CNBD1: variants seen among roughly 807,000 people sequenced by gnomAD.
CNBD1 encodes cyclic nucleotide binding domain containing 1.
Under a neutral mutation model 54.4 loss-of-function variants are expected in CNBD1, and 71 were observed. That is an observed-to-expected ratio of 1.30 (90% CI 1.08 to 1.59). The LOEUF (loss-of-function observed/expected upper bound fraction) is 1.59. Ranked by LOEUF, CNBD1 falls within the 40% of genes most tolerant of loss-of-function variation. The pLI is 0.00. For missense variants in CNBD1, 659 were observed against 518.0 expected (o/e 1.27, Z -2.64); for synonymous variants, 182 against 170.7 (o/e 1.07, Z -0.51).
At chr8:87,382,460 A>G (rs767281010) in intron 10 of CNBD1, among the ~76,000 whole-genome samples, 160 bp from the exon 11 acceptor site, 1 of 152,040 alleles carries the variant, frequency 6.6e-6, no homozygotes, top group Non-Finnish European at 1.5e-5. Context: ...AAAGTGTTAC[A>G]TTATTTCTAG....
At chr8:86,916,048 T>C (rs891301186) in intron 3 of CNBD1, among the ~76,000 whole-genome samples, 53 of 152,140 alleles carry the variant, frequency 3.5e-4, no homozygotes, top group African/African-American at 1.2e-3. Flanking sequence ...TGTGCCATCA[T>C]GGTCTCAGAG....
chr8:87,407,486 G>A (rs1453982989), intron 2 of CNBD1, among the ~76,000 whole-genome samples: 1 of 151,792 alleles, frequency 6.6e-6, no homozygotes, highest in East Asian at 1.9e-4. Context: ...TGCTTTTATT[G>A]CATATATTTC....
intron 2 of CNBD1, among the ~76,000 whole-genome samples, chr8:87,389,651 A>G (rs1811267451): frequency 6.6e-6 from 1 of 152,234 alleles, no homozygotes; most frequent in Admixed American, 6.5e-5. Flanking sequence ...AGGAAGAATC[A>G]ATATCATAAA....
chr8:87,178,374 C>A (rs1813243074), intron 4 of CNBD1, among the ~76,000 whole-genome samples: 1 of 152,012 alleles, frequency 6.6e-6, no homozygotes. Context: ...GGAGAGGGGG[C>A]ATGCAATGCA....
Position 87,414,350 on chromosome 8 carries a change from C to T in CNBD1, c.214-14196C>T, listed in dbSNP as rs181265314. 2.6e-3 allele frequency among the ~76,000 whole-genome samples: 399 copies of T among 152,084 alleles called. 3 individuals carry two copies. The highest frequency in any genetic ancestry group is 9.1e-3 in the African/African-American group (376 of 41,492). On this transcript the variant is annotated intron_variant, in intron 2 of 7. Coordinates refer to the CNBD1 transcript ENST00000521593. The stretch of plus-strand genomic sequence containing the variant: ...GAACCCATGGACACAGGAAGGGGAA[C>T]ATCACACTCCAGGGACTGTTGTGGG...
At chr8:87,391,050 A>G (rs188215188) in intron 2 of CNBD1, among the ~76,000 whole-genome samples, 55 of 143,912 alleles carry the variant, frequency 3.8e-4, no homozygotes, top group African/African-American at 1.3e-3. Context: ...AAGAGAACCC[A>G]TGGACACAGG....
At chr8:87,047,193 A>C (rs1230956465) in intron 4 of CNBD1, among the ~76,000 whole-genome samples, 1 of 152,168 alleles carries the variant, frequency 6.6e-6, no homozygotes, top group Non-Finnish European at 1.5e-5. Context: ...AGAGGGAGGC[A>C]TCTGCTATCA....
At chr8:87,272,751 A>T (rs115723115) in intron 6 of CNBD1, among the ~76,000 whole-genome samples, 4 of 152,142 alleles carry the variant, frequency 2.6e-5, no homozygotes, top group African/African-American at 9.6e-5. Context: ...TGTGGTGAGC[A>T]GTTGTGTATG....
chr8:87,205,215 G>A (rs1485661572), intron 4 of CNBD1, among the ~76,000 whole-genome samples: 2 of 152,058 alleles, frequency 1.3e-5, no homozygotes, highest in Admixed American at 1.3e-4. Context: ...TGTATTTTTA[G>A]TAGAGACAGG....
intron 4 of CNBD1, among the ~76,000 whole-genome samples, chr8:87,073,191 C>T (rs1330475835): frequency 1.3e-5 from 2 of 151,846 alleles, no homozygotes; most frequent in Non-Finnish European, 2.9e-5. Context: ...TTCTGGCAGT[C>T]AGCTCCTGTA....
chr8:87,145,550 T>C (rs1397422732), intron 4 of CNBD1, among the ~76,000 whole-genome samples: 1 of 151,988 alleles, frequency 6.6e-6, no homozygotes, highest in Non-Finnish European at 1.5e-5. Flanking sequence ...AAAGTAATAA[T>C]GATAAGTATG....
rs1808520481 is a variant in CNBD1 at position 87,278,059 on chromosome 8, T to C, written c.772-6619T>C. Among the ~76,000 whole-genome samples the C allele has an allele frequency of 2.6e-5, 4 of 151,640 alleles. No individual in the cohort carries two copies. The South Asian group carries it at 8.3e-4, about 31-fold the overall frequency. The stretch of plus-strand genomic sequence containing the variant: ...AAAATGAAATTAATAACTCAATAGA[T>C]GTAGTTATTAGCAGATTAGACACTG... On this transcript the variant is annotated intron_variant, in intron 6 of 10. Coordinates refer to ENST00000518476, the MANE Select transcript of CNBD1 (RefSeq NM_173538.3).
At chr8:87,148,897 GAACA>G (rs545822357) in intron 4 of CNBD1, among the ~76,000 whole-genome samples, 11 of 152,014 alleles carry the variant, frequency 7.2e-5, no homozygotes, top group African/African-American at 2.7e-4. Context: ...GCCAAGAAAA[GAACA>G]AACAAACAAA....
intron 4 of CNBD1, among the ~76,000 whole-genome samples, chr8:87,085,102 C>T (rs1811071256): frequency 6.6e-6 from 1 of 151,864 alleles, no homozygotes; most frequent in African/African-American, 2.4e-5. Flanking sequence ...TTTCTTCTGC[C>T]CCATTCTCTT....
intron 4 of CNBD1, among the ~76,000 whole-genome samples, chr8:87,153,526 G>T (rs1563488697): frequency 6.6e-6 from 1 of 152,128 alleles, no homozygotes. Context: ...GATCAGAAAA[G>T]AAAAGAAAAA....
intron 3 of CNBD1, among the ~76,000 whole-genome samples, chr8:86,923,275 G>A (rs1809305383): frequency 1.3e-5 from 2 of 152,118 alleles, no homozygotes; most frequent in African/African-American, 4.8e-5. Context: ...TCTTGTCTGT[G>A]GCTAATTAAA....
intron 4 of CNBD1, among the ~76,000 whole-genome samples, chr8:87,119,077 A>G (rs1306546134): frequency 1.3e-5 from 2 of 152,052 alleles, no homozygotes; most frequent in African/African-American, 4.8e-5. Flanking sequence ...GTGAGAACAC[A>G]GGCCTTTTTT....
At chr8:87,261,790 T>C (rs1423241579) in intron 6 of CNBD1, among the ~76,000 whole-genome samples, 3 of 152,120 alleles carry the variant, frequency 2.0e-5, no homozygotes, top group Admixed American at 2.0e-4. Flanking sequence ...AATATAGTAG[T>C]ACAGAGTCCT....
rs368267248 is a variant in CNBD1 at position 87,299,789 on chromosome 8, ATAGT to A, written c.1042+13119_1042+13122del. ...GATGTGGCCCTATGCTAGGGAACAC[ATAGT>A]GGTAGGATCATGAGCTGGATTTCAG... On this transcript the variant is annotated intron_variant, in intron 8 of 10. Transcript: ENST00000518476. Among the ~76,000 whole-genome samples the A allele has an allele frequency of 2.8e-3, 428 of 152,318 alleles. 4 individuals are homozygous for A. Among genetic ancestry groups the A allele is most frequent in the African/African-American group, 9.2e-3 (383 of 41,574 alleles).
Sources: gnomAD v4.1 joint callset for allele counts (sites outside exome capture counted in the v4.1 genomes callset) on GRCh38, gnomAD v4.1.1 for gene constraint, MANE v1.5 for transcripts, NCBI Gene and HGNC (gene_info 2026-07-23, HGNC 2026-07-21) for gene names.